JAKMIP2: variants seen among roughly 807,000 people sequenced by gnomAD.
JAKMIP2 encodes janus kinase and microtubule interacting protein 2, also known as janus kinase and microtubule-interacting protein 2.
Under a neutral mutation model 115.0 loss-of-function variants are expected in JAKMIP2, and 25 were observed. The observed-to-expected ratio is 0.22, with a 90% CI of 0.16 to 0.30. The LOEUF is 0.30. JAKMIP2 is among the 10% of genes least tolerant of loss of function. The pLI, the probability that JAKMIP2 is intolerant of heterozygous loss-of-function variation, is 1.00. For synonymous variants in JAKMIP2, 334 were observed against 343.6 expected, an observed-to-expected ratio of 0.97 and a Z score of 0.31; for missense variants, 642 against 957.6, an observed-to-expected ratio of 0.67 and a Z score of 4.35.
intron 1 of JAKMIP2, among the ~76,000 whole-genome samples, chr5:147,756,159 A>G (rs915067512): frequency 4.6e-5 from 7 of 152,216 alleles, no homozygotes; most frequent in Non-Finnish European, 7.3e-5. Flanking sequence ...TGGAAGTACA[A>G]TTATTTGAAA....
intron 1 of JAKMIP2, among the ~76,000 whole-genome samples, chr5:147,697,368 C>G (rs1266214039): frequency 6.6e-6 from 1 of 152,154 alleles, no homozygotes; most frequent in Non-Finnish European, 1.5e-5. Flanking sequence ...CCCCATGGGT[C>G]CCTCCCACAA....
At chr5:147,672,941 G>T (rs1254614536) in intron 1 of JAKMIP2, among the ~76,000 whole-genome samples, 3 of 152,200 alleles carry the variant, frequency 2.0e-5, no homozygotes, top group Non-Finnish European at 4.4e-5. Context: ...ATGGCGGGGA[G>T]GCCTAGAATT....
chr5:147,741,224 A>G (rs754809702), intron 1 of JAKMIP2, among the ~76,000 whole-genome samples: 8 of 152,206 alleles, frequency 5.3e-5, no homozygotes, highest in Non-Finnish European at 7.3e-5. Context: ...ATTTCTTCAA[A>G]TATAAATTAA....
intron 18 of JAKMIP2, among the ~76,000 whole-genome samples, chr5:147,618,762 C>A (rs1423516174): frequency 1.3e-5 from 2 of 152,048 alleles, no homozygotes; most frequent in South Asian, 2.1e-4. Context: ...AAAAAACAAA[C>A]AAACAAAAAA....
At chr5:147,644,448 T>C (rs1026249872) in intron 6 of JAKMIP2, among the ~76,000 whole-genome samples, 11 of 152,212 alleles carry the variant, frequency 7.2e-5, no homozygotes, top group African/African-American at 2.7e-4. Context: ...ATCATTTCAC[T>C]TGTCCGCATA....
chr5:147,626,346 G>C (rs1179607870), intron 16 of JAKMIP2, among the ~76,000 whole-genome samples: 1 of 152,102 alleles, frequency 6.6e-6, no homozygotes, highest in Admixed American at 6.6e-5. Flanking sequence ...TACCTTTCTT[G>C]CAAAAAAAGT....
At chr5:147,655,221 G>A (rs889076825) in intron 3 of JAKMIP2, among the ~76,000 whole-genome samples, 2 of 152,192 alleles carry the variant, frequency 1.3e-5, no homozygotes, top group African/African-American at 4.8e-5. Flanking sequence ...CCCATAAAAT[G>A]AGTTAGGGAG....
At chr5:147,711,937 C>G (rs1416562500) in intron 1 of JAKMIP2, among the ~76,000 whole-genome samples, 1 of 152,126 alleles carries the variant, frequency 6.6e-6, no homozygotes. Flanking sequence ...GCGCCCAGCC[C>G]ATAGTAAATT....
intron 19 of JAKMIP2, among the ~76,000 whole-genome samples, chr5:147,617,244 G>T (rs191532538): frequency 6.6e-6 from 1 of 152,308 alleles, no homozygotes; most frequent in East Asian, 1.9e-4. Flanking sequence ...TGACCTTGGA[G>T]TTCAGCAGAC....
chr5:147,737,567 T>C (rs1753973973), intron 1 of JAKMIP2, among the ~76,000 whole-genome samples: 1 of 152,204 alleles, frequency 6.6e-6, no homozygotes, highest in Non-Finnish European at 1.5e-5. Flanking sequence ...GGTTTAGCTA[T>C]TTAAAATAAT....
chr5:147,628,113 T>C (rs1028017956), intron 16 of JAKMIP2, among the ~76,000 whole-genome samples: 1 of 152,120 alleles, frequency 6.6e-6, no homozygotes, highest in Admixed American at 6.5e-5. Context: ...CCCCAAATTC[T>C]TGGGCTCAAG....
chr5:147,651,929 C>T (rs1758413755), intron 3 of JAKMIP2, among the ~76,000 whole-genome samples: 1 of 152,136 alleles, frequency 6.6e-6, no homozygotes, highest in Non-Finnish European at 1.5e-5. Context: ...TGGAGCATTA[C>T]TTTTATTTGC....
chr5:147,721,739 G>A (rs542907766), intron 1 of JAKMIP2, among the ~76,000 whole-genome samples: 7 of 152,110 alleles, frequency 4.6e-5, no homozygotes, highest in South Asian at 4.1e-4. Context: ...ACTGACCTGC[G>A]CCTGCTGTCT....
Position 147,588,540 on chromosome 5 carries a change from G to A in JAKMIP2, c.*3167C>T, listed in dbSNP as rs990660230. 3 of 150,554 alleles carry A rather than the reference G, an allele frequency of 2.0e-5. No homozygotes were observed. The highest frequency in any genetic ancestry group is 4.4e-5 in the Non-Finnish European group (3 of 67,918). 9.3% of individuals were successfully genotyped at this position (150,554 alleles called of 1,614,324 possible). ...CAATTTTGCTGATGCTTTTATAATTGTGAAAATGGATAATAGAGAGATGTA... is the reference window on the plus strand; with the variant it reads ...CAATTTTGCTGATGCTTTTATAATTATGAAAATGGATAATAGAGAGATGTA... On this transcript the variant is annotated 3_prime_UTR_variant, in exon 22 of 22. Transcript: ENST00000616793.
chr5:147,774,986 G>C (rs1181428077), intron 1 of JAKMIP2, among the ~76,000 whole-genome samples: 1 of 152,114 alleles, frequency 6.6e-6, no homozygotes, highest in Non-Finnish European at 1.5e-5. Flanking sequence ...GTCAGATTTA[G>C]TTTTCCATGC....
At position 147,671,726 on chromosome 5, in the gene JAKMIP2, C is replaced by G; in HGVS notation, c.81G>C (p.Arg27Ser). The change falls in exon 2 of 22, where the codon AGG becomes AGC. Residue 27 changes from arginine to serine, a missense_variant. Physicochemically the swap from Arg to Ser is moderately radical, Grantham distance 110. Around this residue, in one of 6 missense-constraint regions of JAKMIP2, gnomAD observed 439 missense variants for 570.9 expected, o/e 0.77. Transcript: ENST00000616793. Reference sequence around the variant, plus strand: ...CTATCTGAATGTCTGTGAGCTTGGTCCTGAGGTCTTCATTGGCAGCTTGAA... The same window carrying G: ...CTATCTGAATGTCTGTGAGCTTGGTGCTGAGGTCTTCATTGGCAGCTTGAA... ...VALQAANEDL[R>S]TKLTDIQIEL... 3 of 1,590,442 alleles carry G rather than the reference C, an allele frequency of 1.9e-6. No homozygotes were observed. The highest frequency in any genetic ancestry group is 2.6e-6 in the Non-Finnish European group (3 of 1,167,660).
chr5:147,782,346 T>G, intron 1 of JAKMIP2, 110 bp downstream of exon 1: 1 of 1,107,480 alleles, frequency 9.0e-7, no homozygotes, highest in Non-Finnish European at 1.3e-6. Flanking sequence ...CATCTCCCCC[T>G]TCTAGTCTGA....
At chr5:147,729,494 C>A (rs1753643283) in intron 1 of JAKMIP2, among the ~76,000 whole-genome samples, 1 of 152,014 alleles carries the variant, frequency 6.6e-6, no homozygotes, top group African/African-American at 2.4e-5. Flanking sequence ...TTTGTTCTGG[C>A]CAGGAGCTGT....
At chr5:147,650,612 G>T in intron 3 of JAKMIP2, 65 bp from the exon 4 acceptor site, 2 of 1,263,662 alleles carry the variant, frequency 1.6e-6, no homozygotes, top group Non-Finnish European at 2.3e-6. Context: ...TTTTTACAAT[G>T]GTGTAGGTTT....
Sources: allele counts gnomAD v4.1 joint callset (sites outside exome capture counted in the v4.1 genomes callset), GRCh38; gene constraint gnomAD v4.1.1; regional missense constraint gnomAD v4.1.1; transcripts MANE v1.5; gene names NCBI Gene and HGNC (gene_info 2026-07-23, HGNC 2026-07-21).